RSF1: variants seen among roughly 807,000 people sequenced by gnomAD.
RSF1 encodes the protein HBV pX-associated protein 8.
A neutral mutation model predicts 145.2 loss-of-function variants in RSF1; 13 were observed. The ratio of observed to expected loss-of-function variants is 0.09; its 90% CI spans 0.06 to 0.14. The LOEUF (loss-of-function observed/expected upper bound fraction) is 0.14. RSF1 is among the 10% of genes least tolerant of loss of function. The pLI is 1.00. For missense variants in RSF1, 1,517 were observed against 1,718.2 expected (o/e 0.88, Z 2.07); for synonymous variants, 577 against 592.6 (o/e 0.97, Z 0.38).
At chr11:77,832,466 A>G in the RSF1 span, among the ~76,000 whole-genome samples, 5 of 151,940 alleles carry the variant, frequency 3.3e-5, no homozygotes, top group Non-Finnish European at 5.9e-5. Context: ...AGCTGGGATT[A>G]CAGGCATGCG....
At chr11:77,691,749 T>TA (rs544117473) in intron 8 of RSF1, 23 of 151,232 alleles carry the variant, frequency 1.5e-4, no homozygotes, top group East Asian at 3.9e-4. Context: ...TGACTATCCT[T>TA]AAAAAAAAAG....
chr11:77,666,612 G>C lies in RSF1; in HGVS notation c.*305C>G, dbSNP rs567569100. On this transcript the variant is annotated 3_prime_UTR_variant, in exon 16 of 16. Transcript: ENST00000308488. ...TTTTTCACAAAGTCAGGAGAGCTCA[G>C]GAAATATAAAGTCAAAAATATACAA... The C allele has an allele frequency of 5.2e-6, 1 of 190,910 alleles. No individual in the cohort carries two copies. The highest frequency in any genetic ancestry group is 2.3e-5 in the African/African-American group (1 of 42,988). 11.8% of individuals were successfully genotyped at this position (190,910 alleles called of 1,614,324 possible).
At chr11:77,865,355 C>T in the RSF1 span, among the ~76,000 whole-genome samples, 1 of 152,156 alleles carries the variant, frequency 6.6e-6, no homozygotes, top group South Asian at 2.1e-4. Context: ...AGCACAATTT[C>T]ATTTAGGGGC....
Position 77,666,713 on chromosome 11 carries a change from T to C in RSF1, c.*204A>G, listed in dbSNP as rs1287265236. The stretch of plus-strand genomic sequence containing the variant: ...GGACCATGAACCTGGAAAAAGAAAA[T>C]CAAAAGGAATTTACAGCAATTATTT... On this transcript the variant is annotated 3_prime_UTR_variant, in exon 16 of 16. Transcript: ENST00000308488. 2.0e-5 allele frequency: 8 copies of C among 398,206 alleles called. No homozygotes were observed. Among genetic ancestry groups the C allele is most frequent in the Non-Finnish European group, 3.5e-5 (8 of 226,322 alleles). 24.7% of individuals were successfully genotyped at this position (398,206 alleles called of 1,614,324 possible).
At position 77,740,810 on chromosome 11, in the gene RSF1, A is replaced by G. The variant is rs781494476; in HGVS notation, c.499T>C (p.Leu167=). The G allele has an allele frequency of 6.2e-6, 10 of 1,614,038 alleles. No individual in the cohort carries two copies. The African/African-American group carries it at 1.2e-4, about 19-fold the overall frequency. The part of the protein sequence containing the change: ...DKDGLMYWYQ[L]DQDHNVRMYI... ...ATTCTGACATTGTGATCTTGATCCA[A>G]TTGGTACCAGTACATGAGGCCATCT... The change falls in exon 4 of 16, where the codon TTG becomes CTG. Residue 167 remains leucine, a synonymous_variant. Coordinates refer to ENST00000308488, the MANE Select transcript of RSF1 (RefSeq NM_016578.4).
At chr11:77,866,052 A>C in the RSF1 span, among the ~76,000 whole-genome samples, 1 of 152,252 alleles carries the variant, frequency 6.6e-6, no homozygotes, top group Admixed American at 6.5e-5. Flanking sequence ...ATCTGCTTTT[A>C]TCAGCAATAC....
chr11:77,783,719 G>C (rs1265745780), intron 1 of RSF1, among the ~76,000 whole-genome samples: 1 of 152,062 alleles, frequency 6.6e-6, no homozygotes, highest in Non-Finnish European at 1.5e-5. Flanking sequence ...GTGTGCGTCA[G>C]GAGTCCCAGC....
At position 77,725,681 on chromosome 11, in the gene RSF1, A is replaced by G. The variant is rs755692989; in HGVS notation, c.597T>C (p.Ala199=). ...KCIVRNRNEL[A]ETLALLKAQI... is the part of the protein sequence containing the mutation. ...GTGCTTTCAGGAGTGCAAGAGTCTC[A>G]GCCAACTCGTTTCGATTTCTAAACA... Residue 199 remains alanine (A), a synonymous_variant, in exon 5 of 16, where the codon GCT becomes GCC. Coordinates refer to ENST00000308488, the MANE Select transcript of RSF1 (RefSeq NM_016578.4). 1.7e-5 allele frequency: 27 copies of G among 1,575,596 alleles called. No homozygotes were observed. The highest frequency in any genetic ancestry group is 2.2e-5 in the Non-Finnish European group (26 of 1,162,144).
At chr11:77,839,736 A>G in the RSF1 span, among the ~76,000 whole-genome samples, 3 of 152,124 alleles carry the variant, frequency 2.0e-5, no homozygotes, top group Non-Finnish European at 4.4e-5. Context: ...ACTGAACAGC[A>G]CATGTTCTCA....
chr11:77,866,850 T>C, the RSF1 span: 4 of 149,564 alleles, frequency 2.7e-5, no homozygotes, highest in African/African-American at 1.0e-4. Context: ...TTCTTTTTCC[T>C]TTTTTTTGAG....
At chr11:77,677,040 T>C (rs772196525) in intron 12 of RSF1, 41 bp from the exon 13 acceptor site, 6 of 1,480,174 alleles carry the variant, frequency 4.1e-6, no homozygotes, top group Non-Finnish European at 5.6e-6. Flanking sequence ...GAAAAATATG[T>C]GTTTATTAAA....
the RSF1 span, among the ~76,000 whole-genome samples, chr11:77,861,314 T>C: frequency 6.6e-6 from 1 of 152,188 alleles, no homozygotes; most frequent in African/African-American, 2.4e-5. Flanking sequence ...CAGTCACAAC[T>C]TAGTGGCTGA....
chr11:77,864,573 C>A, the RSF1 span, among the ~76,000 whole-genome samples: 1 of 152,158 alleles, frequency 6.6e-6, no homozygotes, highest in African/African-American at 2.4e-5. Flanking sequence ...GAAATAAACT[C>A]AGTGAGTCAA....
intron 1 of RSF1, among the ~76,000 whole-genome samples, chr11:77,796,817 G>C (rs947500637): frequency 4.6e-5 from 7 of 152,152 alleles, no homozygotes; most frequent in African/African-American, 1.7e-4. Flanking sequence ...AAAGTCTCAG[G>C]CTATAAAATC....
chr11:77,692,232 A>ATTTT (rs1565149884), intron 8 of RSF1, among the ~76,000 whole-genome samples: 5 of 59,760 alleles, frequency 8.4e-5, no homozygotes, highest in Admixed American at 1.9e-4. Flanking sequence ...ACTACTTTTA[A>ATTTT]ATTTTTTTTT....
At chr11:77,852,358 A>G in the RSF1 span, among the ~76,000 whole-genome samples, 1 of 152,104 alleles carries the variant, frequency 6.6e-6, no homozygotes, top group African/African-American at 2.4e-5. Context: ...GTTGGCATAC[A>G]ATTTTAGATG....
At chr11:77,754,954 G>GTGAGACCC (rs1375775864) in intron 2 of RSF1, among the ~76,000 whole-genome samples, 9 of 152,120 alleles carry the variant, frequency 5.9e-5, no homozygotes, top group Non-Finnish European at 1.2e-4. Context: ...GGTTGCCACA[G>GTGAGACCC]TGAGACCCTG....
intron 4 of RSF1, among the ~76,000 whole-genome samples, chr11:77,737,621 G>GTGTGTGTGTGTGTGTGTGTGTGTGTGT (rs1554991241): frequency 2.1e-5 from 2 of 93,496 alleles, no homozygotes; most frequent in African/African-American, 3.8e-5. Flanking sequence ...TGTTTTGGGG[G>GTGTGTGTGTGTGTGTGTGTGTGTGTGT]GTGTGTGTGT....
At chr11:77,767,066 C>A (rs371154867) in intron 1 of RSF1, among the ~76,000 whole-genome samples, 70 of 152,248 alleles carry the variant, frequency 4.6e-4, no homozygotes, top group African/African-American at 1.6e-3. Context: ...TATAAGGGGA[C>A]AATGGTTCTG....
Sources: allele counts gnomAD v4.1 joint callset (sites outside exome capture counted in the v4.1 genomes callset), GRCh38; gene constraint gnomAD v4.1.1; transcripts MANE v1.5; gene names NCBI Gene and HGNC (gene_info 2026-07-23, HGNC 2026-07-21).